NALF1: variants seen among roughly 807,000 people sequenced by gnomAD.
NALF1 encodes family with sequence similarity 155 member A.
NALF1 carries 3 observed loss-of-function variants against 48.4 expected under a neutral mutation model. The ratio of observed to expected loss-of-function variants is 0.06; its 90% CI spans 0.03 to 0.16. The LOEUF is 0.16. Among genes scored for constraint, NALF1 ranks in the 10% least tolerant of loss-of-function variants. NALF1 has a pLI of 1.00. For missense variants in NALF1, 526 were observed against 571.5 expected, an observed-to-expected ratio of 0.92 and a Z score of 0.81; for synonymous variants, 262 against 245.7, an observed-to-expected ratio of 1.07 and a Z score of -0.62.
chr13:107,392,695 G>A (rs189641604), intron 1 of NALF1, among the ~76,000 whole-genome samples: 118 of 152,170 alleles, frequency 7.8e-4, no homozygotes, highest in African/African-American at 2.0e-3. Context: ...GTGTGTGTGC[G>A]CGTGCATGCA....
chr13:107,660,206 G>A lies in NALF1; in HGVS notation c.915+205476C>T, dbSNP rs569403308. ...TATAATCCCAGCACTTTGGGAGGTC[G>A]AGGTGGACGGATCACGAGGTCAAGA... On this transcript the variant is annotated intron_variant, in intron 1 of 2. Coordinates refer to ENST00000375915, the MANE Select transcript of NALF1 (RefSeq NM_001080396.3). Among the ~76,000 whole-genome samples the A allele has an allele frequency of 7.9e-5, 12 of 151,874 alleles. No homozygotes were observed. In the South Asian group the frequency reaches 1.9e-3, roughly 24 times the overall value.
intron 1 of NALF1, among the ~76,000 whole-genome samples, chr13:107,570,105 T>C (rs2138400871): frequency 6.6e-6 from 1 of 152,310 alleles, no homozygotes; most frequent in East Asian, 1.9e-4. Context: ...TTAATTGCTG[T>C]ACACCTTGGT....
At chr13:107,763,754 G>C (rs1346455276) in intron 1 of NALF1, among the ~76,000 whole-genome samples, 2 of 152,066 alleles carry the variant, frequency 1.3e-5, no homozygotes, top group African/African-American at 4.8e-5. Context: ...TTACTGTTTT[G>C]TATCACTGAA....
chr13:107,344,002 T>C (rs754976611), intron 1 of NALF1, among the ~76,000 whole-genome samples: 60 of 150,402 alleles, frequency 4.0e-4, no homozygotes, highest in Non-Finnish European at 7.1e-4. Flanking sequence ...AAATCAGAAA[T>C]GAAAGATGAG....
At chr13:107,532,125 G>C (rs1876657655) in intron 1 of NALF1, among the ~76,000 whole-genome samples, 1 of 152,058 alleles carries the variant, frequency 6.6e-6, no homozygotes, top group Non-Finnish European at 1.5e-5. Flanking sequence ...GATGTGCTAG[G>C]TTCTCCTCCA....
At chr13:107,827,087 T>C (rs1879542610) in intron 1 of NALF1, among the ~76,000 whole-genome samples, 10 of 152,242 alleles carry the variant, frequency 6.6e-5, no homozygotes, top group Admixed American at 5.9e-4. Context: ...TTCCAAGCTG[T>C]ATGCTGAACA....
chr13:107,603,191 C>A (rs922364375), intron 1 of NALF1, among the ~76,000 whole-genome samples: 1 of 152,124 alleles, frequency 6.6e-6, no homozygotes, highest in Non-Finnish European at 1.5e-5. Context: ...AATTTAGACA[C>A]TGCTGAAATG....
In NALF1 at chr13:107,768,541, G is replaced by A. The variant is rs377320786; in HGVS notation, c.915+97141C>T. Among the ~76,000 whole-genome samples the A allele has an allele frequency of 2.3e-4, 35 of 152,166 alleles. No homozygotes were observed. The East Asian group carries it at 5.6e-3, about 24-fold the overall frequency. ...CTACTAAGTGAGATTTCCAAAAAGCGTTTATAAAGAACAGGATGAACAATT... is the reference window on the plus strand; with the variant it reads ...CTACTAAGTGAGATTTCCAAAAAGCATTTATAAAGAACAGGATGAACAATT... On this transcript the variant is annotated intron_variant, in intron 1 of 2. Transcript: ENST00000375915.
chr13:107,741,631 A>T (rs1876640391), intron 1 of NALF1, among the ~76,000 whole-genome samples: 2 of 152,228 alleles, frequency 1.3e-5, no homozygotes, highest in African/African-American at 4.8e-5. Flanking sequence ...CTGCATTTAG[A>T]AATTGGTATA....
At chr13:107,603,032 C>A (rs574171172) in intron 1 of NALF1, among the ~76,000 whole-genome samples, 4 of 152,110 alleles carry the variant, frequency 2.6e-5, no homozygotes, top group Non-Finnish European at 5.9e-5. Flanking sequence ...ATAAAAGGAA[C>A]TTTTATTAAA....
At chr13:107,562,872 T>C (rs961822182) in intron 1 of NALF1, among the ~76,000 whole-genome samples, 3 of 152,186 alleles carry the variant, frequency 2.0e-5, no homozygotes, top group Non-Finnish European at 2.9e-5. Flanking sequence ...CTTCCAGGCA[T>C]TTCCCAGTTC....
At chr13:107,825,221 C>T (rs116823118) in intron 1 of NALF1, among the ~76,000 whole-genome samples, 1,812 of 152,270 alleles carry the variant, frequency 0.012, 36 homozygotes, top group African/African-American at 0.041. Context: ...AATCTACCTT[C>T]CAAAATTCCC....
chr13:107,559,058 C>T (rs1032798320), intron 1 of NALF1, among the ~76,000 whole-genome samples: 2 of 152,198 alleles, frequency 1.3e-5, no homozygotes, highest in Non-Finnish European at 2.9e-5. Context: ...ATGGCAGGAG[C>T]TGATACTTCA....
chr13:107,175,146 C>T (rs1364660381), intron 2 of NALF1, among the ~76,000 whole-genome samples: 1 of 150,806 alleles, frequency 6.6e-6, no homozygotes, highest in Non-Finnish European at 1.5e-5. Context: ...GCCTCGGCCT[C>T]CCAAAGTGCT....
chr13:107,560,074 C>T (rs745638618), intron 1 of NALF1, among the ~76,000 whole-genome samples: 3 of 152,148 alleles, frequency 2.0e-5, no homozygotes, highest in East Asian at 3.9e-4. Flanking sequence ...GGGAAATCAC[C>T]AAGTTTTTTG....
chr13:107,733,389 G>GAC (rs1876370807), intron 1 of NALF1, among the ~76,000 whole-genome samples: 1 of 152,136 alleles, frequency 6.6e-6, no homozygotes, highest in East Asian at 1.9e-4. Flanking sequence ...TAACAATTGT[G>GAC]AGGGCCCCTG....
At position 107,538,947 on chromosome 13, in the gene NALF1, T is replaced by C. The variant is rs4101917; in HGVS notation, c.915+326735A>G. Among the ~76,000 whole-genome samples the C allele has an allele frequency of 1.8e-4, 28 of 152,134 alleles. 1 individual carries two copies. The highest frequency in any genetic ancestry group is 6.3e-4 in the African/African-American group (26 of 41,492). On this transcript the variant is annotated intron_variant, in intron 1 of 2. Coordinates refer to ENST00000375915, the MANE Select transcript of NALF1 (RefSeq NM_001080396.3). ...GTACCCATTCTTATTATAATTATGA[T>C]CATCCATCCATCCATCCATTCATTC...
At chr13:107,568,739 A>G (rs1877891849) in intron 1 of NALF1, among the ~76,000 whole-genome samples, 1 of 152,138 alleles carries the variant, frequency 6.6e-6, no homozygotes, top group African/African-American at 2.4e-5. Flanking sequence ...CAAACTGTAT[A>G]TCCTATTTAG....
intron 2 of NALF1, among the ~76,000 whole-genome samples, chr13:107,208,078 A>G (rs1879681186): frequency 6.6e-6 from 1 of 152,232 alleles, no homozygotes; most frequent in African/African-American, 2.4e-5. Flanking sequence ...GATCAATATG[A>G]AAATTATTAT....
Sources: allele counts gnomAD v4.1 joint callset (sites outside exome capture counted in the v4.1 genomes callset), GRCh38; gene constraint gnomAD v4.1.1; transcripts MANE v1.5; gene names NCBI Gene and HGNC (gene_info 2026-07-23, HGNC 2026-07-21).